Variants in ATP8A2 observed in about 807,000 individuals in gnomAD.
The protein encoded by ATP8A2 is phospholipid-transporting ATPase IB.
ATP8A2 carries 100 observed loss-of-function variants against 165.6 expected under a neutral mutation model. The observed-to-expected ratio is 0.60, with a 90% confidence interval of 0.51 to 0.71. The LOEUF is 0.71. Ranked by LOEUF, ATP8A2 falls within the 30% of genes least tolerant of loss-of-function variation. The pLI is 0.00. For missense variants in ATP8A2, 1,227 were observed against 1,479.5 expected, an observed-to-expected ratio of 0.83 and a Z score of 2.80; for synonymous variants, 543 against 548.8, an observed-to-expected ratio of 0.99 and a Z score of 0.15.
chr13:25,462,934 G>A (rs1410114330), intron 1 of ATP8A2, among the ~76,000 whole-genome samples: 3 of 152,074 alleles, frequency 2.0e-5, no homozygotes, highest in Non-Finnish European at 4.4e-5. Flanking sequence ...GTCCAAGCCG[G>A]GTCTGACTCC....
At chr13:25,697,227 A>G (rs1259279519) in intron 24 of ATP8A2, among the ~76,000 whole-genome samples, 1 of 152,176 alleles carries the variant, frequency 6.6e-6, no homozygotes, top group Non-Finnish European at 1.5e-5. Context: ...TCACTGCCTG[A>G]AGTAGAAGAG....
chr13:25,854,631 C>T (rs1298537070), intron 30 of ATP8A2, among the ~76,000 whole-genome samples: 1 of 152,138 alleles, frequency 6.6e-6, no homozygotes, highest in African/African-American at 2.4e-5. Context: ...CTGTCATTTC[C>T]ACCTTCAAAA....
In ATP8A2 at chr13:25,829,702, A is replaced by G. The variant is rs1404934311; in HGVS notation, c.2754+1510A>G. ...TATATATATATATATATATATATATATATATATATATATATATATCACCTG... is the reference window on the plus strand; with the variant it reads ...TATATATATATATATATATATATATGTATATATATATATATATATCACCTG... On this transcript the variant is annotated intron_variant, in intron 28 of 36. Coordinates refer to ENST00000381655, the MANE Select transcript of ATP8A2 (RefSeq NM_016529.6). Among the ~76,000 whole-genome samples the G allele has an allele frequency of 8.3e-5, 6 of 72,168 alleles. 1 individual carries two copies. The highest frequency in any genetic ancestry group is 3.0e-4 in the Admixed American group (2 of 6,726). The allele number at this position is 72,168 out of a possible 152,430, so 47.3% of individuals were successfully genotyped here. A position where few individuals can be genotyped will look rare whatever the true frequency, so the allele number is the denominator to read the frequency against.
chr13:25,781,117 G>C (rs1039563229), intron 27 of ATP8A2, among the ~76,000 whole-genome samples: 7 of 152,116 alleles, frequency 4.6e-5, no homozygotes, highest in Admixed American at 1.3e-4. Flanking sequence ...CAAAAAATTA[G>C]CTGGGCATGG....
At chr13:25,568,299 T>A (rs2039373675) in intron 16 of ATP8A2, among the ~76,000 whole-genome samples, 1 of 152,202 alleles carries the variant, frequency 6.6e-6, no homozygotes, top group African/African-American at 2.4e-5. Context: ...TAACTTTCTT[T>A]TGAATCATTA....
At chr13:25,654,137 T>G (rs2137647236) in intron 24 of ATP8A2, among the ~76,000 whole-genome samples, 1 of 152,338 alleles carries the variant, frequency 6.6e-6, no homozygotes, top group African/African-American at 2.4e-5. Context: ...TCTTTTTTGC[T>G]CATTCATAGA....
At chr13:25,582,436 A>G (rs2039801741) in intron 23 of ATP8A2, among the ~76,000 whole-genome samples, 1 of 152,264 alleles carries the variant, frequency 6.6e-6, no homozygotes, top group Non-Finnish European at 1.5e-5. Context: ...AAGAAAAGGA[A>G]TTTAAGTCAG....
intron 24 of ATP8A2, 82 bp downstream of exon 24, chr13:25,589,781 TC>T (rs1222445025): frequency 1.2e-6 from 1 of 862,826 alleles, no homozygotes; most frequent in African/African-American, 1.7e-5. Flanking sequence ...TAATCAGGGA[TC>T]ATGTTTTGCT....
chr13:25,795,342 T>C (rs1400751150), intron 27 of ATP8A2, among the ~76,000 whole-genome samples: 1 of 152,198 alleles, frequency 6.6e-6, no homozygotes, highest in Non-Finnish European at 1.5e-5. Flanking sequence ...ATATGAATAT[T>C]ATAGTAAATA....
intron 27 of ATP8A2, among the ~76,000 whole-genome samples, chr13:25,790,417 C>T (rs555792951): frequency 5.9e-5 from 9 of 151,870 alleles, no homozygotes; most frequent in South Asian, 2.1e-4. Context: ...GTAGGCTGGG[C>T]GCAGTGGCTC....
rs748413967 is a variant in ATP8A2, at chr13:25,469,047, C to T, written c.147C>T (p.Asp49=). 2 of 1,614,080 alleles carry T rather than the reference C, an allele frequency of 1.2e-6. No individual in the cohort carries two copies. Among genetic ancestry groups the T allele is most frequent in the Non-Finnish European group, 1.7e-6 (2 of 1,179,922 alleles). Residue 49 remains aspartate, a synonymous_variant, in exon 2 of 37, where the codon GAC becomes GAT. Coordinates refer to ENST00000381655, the MANE Select transcript of ATP8A2 (RefSeq NM_016529.6). The part of the protein sequence containing the change: ...DEMSRATSVG[D]QLEAPARTIY... The stretch of plus-strand genomic sequence containing the variant: ...TGTCCCGGGCCACGTCTGTTGGAGA[C>T]CAGCTGGAGGCACCCGCCCGCACCA...
chr13:25,620,235 G>A (rs958805095), intron 24 of ATP8A2, among the ~76,000 whole-genome samples: 1 of 152,156 alleles, frequency 6.6e-6, no homozygotes, highest in African/African-American at 2.4e-5. Flanking sequence ...GGGGAGTAGG[G>A]GATGGGTACA....
intron 24 of ATP8A2, among the ~76,000 whole-genome samples, chr13:25,591,609 G>A (rs568501173): frequency 8.9e-5 from 12 of 135,542 alleles, no homozygotes; most frequent in African/African-American, 2.8e-4. Context: ...TTTTTGAGAC[G>A]AAGTCTCACT....
chr13:25,469,345 T>A (rs1017790422), intron 2 of ATP8A2, among the ~76,000 whole-genome samples: 5 of 152,076 alleles, frequency 3.3e-5, no homozygotes, highest in Non-Finnish European at 7.4e-5. Context: ...GCATCCGTTC[T>A]GCGCCCAGCC....
intron 1 of ATP8A2, among the ~76,000 whole-genome samples, chr13:25,416,028 A>G (rs2034122950): frequency 1.3e-5 from 2 of 152,128 alleles, no homozygotes; most frequent in Admixed American, 6.5e-5. Flanking sequence ...AGGTCTTACT[A>G]TGTTGCCTGG....
At position 25,587,425 on chromosome 13, in the gene ATP8A2, C is replaced by T. The variant is rs1244497032; in HGVS notation, c.2147-2210C>T. 3.3e-5 allele frequency among the ~76,000 whole-genome samples: 5 copies of T among 151,822 alleles called. No homozygotes were observed. In the East Asian group the frequency reaches 9.6e-4, roughly 29 times the overall value. On this transcript the variant is annotated intron_variant, in intron 23 of 36. Coordinates refer to ENST00000381655, the MANE Select transcript of ATP8A2 (RefSeq NM_016529.6). ...GTCAGTAGTTTTTTTTTCTCTCTCC[C>T]CCTGCCATGGCTAGAAAAAAAAAGA...
chr13:25,897,112 C>A (rs1593523180), intron 33 of ATP8A2, among the ~76,000 whole-genome samples: 1 of 152,296 alleles, frequency 6.6e-6, no homozygotes. Flanking sequence ...TTAGTTGATG[C>A]AGTTTCTTCC....
intron 1 of ATP8A2, among the ~76,000 whole-genome samples, chr13:25,457,067 A>G (rs1022881): frequency 0.99 from 150,248 of 152,308 alleles, 74,139 homozygotes; most frequent in Non-Finnish European, 1. Flanking sequence ...GTTCTGGGCT[A>G]CATGTGGCTT....
At chr13:25,423,741 T>C (rs545855079) in intron 1 of ATP8A2, among the ~76,000 whole-genome samples, 1 of 152,222 alleles carries the variant, frequency 6.6e-6, no homozygotes, top group Non-Finnish European at 1.5e-5. Flanking sequence ...ATTTTATTAG[T>C]TGGAGATCAG....
Sources: gnomAD v4.1 joint callset for allele counts (sites outside exome capture counted in the v4.1 genomes callset) on GRCh38, gnomAD v4.1.1 for gene constraint, MANE v1.5 for transcripts, NCBI Gene and HGNC (gene_info 2026-07-23, HGNC 2026-07-21) for gene names.